The following MAN1A2 variants were observed in gnomAD, a reference collection of about 807,000 sequenced individuals.
The protein encoded by MAN1A2 is mannosidase alpha class 1A member 2, also known as mannosyl-oligosaccharide 1,2-alpha-mannosidase IB.
In MAN1A2, 26 loss-of-function variants were observed where a neutral mutation model predicts 75.7. That is an observed-to-expected ratio of 0.34 (90% confidence interval 0.25 to 0.48). MAN1A2 has a LOEUF of 0.48. Among genes scored for constraint, MAN1A2 ranks in the 20% least tolerant of loss-of-function variants. MAN1A2 has a pLI of 0.99. For missense variants in MAN1A2, 562 were observed against 775.5 expected, an observed-to-expected ratio of 0.72 and a Z score of 3.27; for synonymous variants, 247 against 264.6, an observed-to-expected ratio of 0.93 and a Z score of 0.65.
intron 1 of MAN1A2, among the ~76,000 whole-genome samples, chr1:117,400,953 A>G (rs1175482310): frequency 6.6e-6 from 1 of 152,078 alleles, no homozygotes; most frequent in Non-Finnish European, 1.5e-5. Context: ...ACCATCATCC[A>G]TTTCCAGAAC....
At chr1:117,442,693 A>G (rs865850238) in intron 6 of MAN1A2, among the ~76,000 whole-genome samples, 3 of 151,990 alleles carry the variant, frequency 2.0e-5, no homozygotes, top group Non-Finnish European at 2.9e-5. Context: ...TTTTCTTTTT[A>G]TATACCACCT....
rs1193893835 is a variant in MAN1A2, at chr1:117,526,468, T to C, written c.*3511T>C. The C allele has an allele frequency of 6.6e-6, 1 of 151,814 alleles. No individual in the cohort carries two copies. The highest frequency in any genetic ancestry group is 1.5e-5 in the Non-Finnish European group (1 of 67,792). The allele number at this position is 151,814 out of a possible 1,614,324, so 9.4% of individuals were successfully genotyped here. On this transcript the variant is annotated 3_prime_UTR_variant, in exon 13 of 13. Transcript: ENST00000356554. The stretch of plus-strand genomic sequence containing the variant: ...ATAATACAACTATAATTGTAGTTAA[T>C]AACTAAAACCTCTTGAAAATGTCAA...
chr1:117,430,124 C>T (rs1648567009), intron 5 of MAN1A2, among the ~76,000 whole-genome samples: 1 of 79,660 alleles, frequency 1.3e-5, no homozygotes, highest in Non-Finnish European at 2.5e-5. Flanking sequence ...GCTGGCCGGG[C>T]TGAGGGGCTC....
intron 8 of MAN1A2, among the ~76,000 whole-genome samples, chr1:117,484,521 C>A (rs116241559): frequency 1.3e-5 from 2 of 151,938 alleles, no homozygotes; most frequent in African/African-American, 4.8e-5. Flanking sequence ...CATGAGAAAT[C>A]GCTTTTTACT....
chr1:117,481,524 T>C (rs1650497395), intron 8 of MAN1A2, among the ~76,000 whole-genome samples: 1 of 151,978 alleles, frequency 6.6e-6, no homozygotes, highest in Admixed American at 6.6e-5. Context: ...AAAACAATTT[T>C]TTATTTCTCT....
At chr1:117,521,566 C>A (rs1475611952) in intron 12 of MAN1A2, among the ~76,000 whole-genome samples, 1 of 151,938 alleles carries the variant, frequency 6.6e-6, no homozygotes, top group Middle Eastern at 3.2e-3. Context: ...AACACTTCTG[C>A]ACTGCTAGTG....
chr1:117,383,398 A>G (rs1220364747), intron 1 of MAN1A2, among the ~76,000 whole-genome samples: 3 of 152,120 alleles, frequency 2.0e-5, no homozygotes, highest in Non-Finnish European at 4.4e-5. Context: ...CACTATTTAT[A>G]AGGGACATTA....
intron 8 of MAN1A2, among the ~76,000 whole-genome samples, chr1:117,475,134 A>G (rs988452267): frequency 1.3e-5 from 2 of 151,778 alleles, no homozygotes; most frequent in Non-Finnish European, 2.9e-5. Context: ...TGCTATGAAC[A>G]CTGACTTACA....
chr1:117,400,299 T>C (rs548499149), intron 1 of MAN1A2, among the ~76,000 whole-genome samples: 69 of 152,110 alleles, frequency 4.5e-4, no homozygotes, highest in Middle Eastern at 3.4e-3. Flanking sequence ...GTTTCTCTTA[T>C]CAGCACCTTT....
At chr1:117,468,610 AT>A (rs1410889756) in intron 8 of MAN1A2, among the ~76,000 whole-genome samples, 1 of 152,082 alleles carries the variant, frequency 6.6e-6, no homozygotes, top group East Asian at 1.9e-4. Context: ...TTAAATTTTA[AT>A]TTAATTAACT....
At chr1:117,479,851 ATCT>A (rs1036857376) in intron 8 of MAN1A2, among the ~76,000 whole-genome samples, 1 of 151,846 alleles carries the variant, frequency 6.6e-6, no homozygotes, top group African/African-American at 2.4e-5. Flanking sequence ...ATCCCTAGAA[ATCT>A]TCTTGAACTT....
chr1:117,368,158 A>C lies in MAN1A2; in HGVS notation c.-26A>C. On this transcript the variant is annotated 5_prime_UTR_variant, in exon 1 of 13. An upstream open reading frame in the 5' UTR loses its in-frame stop. Coordinates refer to ENST00000356554, the MANE Select transcript of MAN1A2 (RefSeq NM_006699.5). ...TTTGACATAAGATGAGAACTTTCTA[A>C]AGTATTCTCTCCAAGAGCGTAAACG... The C allele has an allele frequency of 7.7e-6, 12 of 1,567,612 alleles. No individual in the cohort carries two copies. The highest frequency in any genetic ancestry group is 1.0e-5 in the Non-Finnish European group (12 of 1,162,526).
In MAN1A2 at chr1:117,420,252, T is replaced by C. The variant is rs149354742; in HGVS notation, c.775-317T>C. On this transcript the variant is annotated intron_variant, in intron 4 of 12. Transcript: ENST00000356554. The stretch of plus-strand genomic sequence containing the variant: ...ATTCTAGAATCATGACCCAGAATTC[T>C]AGAAATGAAGGCTTTCATGAGGAAG... Among the ~76,000 whole-genome samples the C allele has an allele frequency of 1.4e-4, 21 of 152,190 alleles. No individual in the cohort carries two copies. In the East Asian group the frequency reaches 4.0e-3, roughly 29 times the overall value.
At chr1:117,467,573 A>G (rs1045261844) in intron 8 of MAN1A2, among the ~76,000 whole-genome samples, 3 of 152,000 alleles carry the variant, frequency 2.0e-5, no homozygotes, top group Non-Finnish European at 4.4e-5. Context: ...CATATGACTC[A>G]TTTTTCTCTT....
intron 5 of MAN1A2, among the ~76,000 whole-genome samples, chr1:117,439,813 C>T (rs1253671035): frequency 6.6e-6 from 1 of 152,048 alleles, no homozygotes; most frequent in Non-Finnish European, 1.5e-5. Context: ...GTTACTTATA[C>T]TTTAAAGCTC....
chr1:117,518,922 A>G (rs1377513933), intron 12 of MAN1A2, among the ~76,000 whole-genome samples: 1 of 152,108 alleles, frequency 6.6e-6, no homozygotes. Flanking sequence ...TCCAAGATAG[A>G]CCATATGATA....
intron 8 of MAN1A2, among the ~76,000 whole-genome samples, chr1:117,477,677 T>TATC (rs1160110301): frequency 6.6e-6 from 1 of 151,580 alleles, no homozygotes; most frequent in African/African-American, 2.4e-5. Flanking sequence ...CCACAGCTAA[T>TATC]ATACTGAGTG....
intron 1 of MAN1A2, among the ~76,000 whole-genome samples, chr1:117,385,213 A>G (rs1346904116): frequency 1.3e-5 from 2 of 152,104 alleles, no homozygotes; most frequent in Admixed American, 1.3e-4. Flanking sequence ...GTGCAGTCTG[A>G]GGTTTTGCCC....
At position 117,368,369 on chromosome 1, in the gene MAN1A2, A is replaced by G; in HGVS notation, c.186A>G (p.Lys62=). ...TCTTTTTCCTTCCAGACTCTTCAAA[A>G]CACAAACGCTTTGATTTGGGTTTAG... is the stretch of plus-strand genomic sequence containing the variant. ...GAFFFLPDSS[K]HKRFDLGLED... is the part of the protein sequence containing the mutation. The change falls in exon 1 of 13, where the codon AAA becomes AAG. Residue 62 remains lysine (K), a synonymous_variant. Coordinates refer to ENST00000356554, the MANE Select transcript of MAN1A2 (RefSeq NM_006699.5). 6.2e-7 allele frequency: 1 copy of G among 1,614,082 alleles called. No individual in the cohort carries two copies. The highest frequency in any genetic ancestry group is 8.5e-7 in the Non-Finnish European group (1 of 1,180,022).
Sources: gnomAD v4.1 joint callset for allele counts (sites outside exome capture counted in the v4.1 genomes callset) on GRCh38, gnomAD v4.1.1 for gene constraint, MANE v1.5 for transcripts, NCBI Gene and HGNC (gene_info 2026-07-23, HGNC 2026-07-21) for gene names.